PDE4B: variants seen among roughly 807,000 people sequenced by gnomAD.
PDE4B encodes the protein 3',5'-cyclic-AMP phosphodiesterase 4B.
A neutral mutation model predicts 82.2 loss-of-function variants in PDE4B; 20 were observed. The ratio of observed to expected loss-of-function variants is 0.24; its 90% CI spans 0.17 to 0.35. PDE4B has a LOEUF of 0.35. PDE4B is among the 10% of genes least tolerant of loss of function. The pLI, the probability that PDE4B is intolerant of heterozygous loss-of-function variation, is 1.00. For missense variants in PDE4B, 655 were observed against 907.2 expected (o/e 0.72, Z 3.57); for synonymous variants, 320 against 318.9 (o/e 1.00, Z -0.04).
At chr1:65,947,899 G>A (rs1214273742) in intron 3 of PDE4B, among the ~76,000 whole-genome samples, 4 of 150,094 alleles carry the variant, frequency 2.7e-5, no homozygotes, top group Non-Finnish European at 5.9e-5. Context: ...CTTTGTTATA[G>A]CAGCCATAGG....
At chr1:66,154,300 A>T (rs1646459617) in intron 3 of PDE4B, among the ~76,000 whole-genome samples, 1 of 152,160 alleles carries the variant, frequency 6.6e-6, no homozygotes, top group Non-Finnish European at 1.5e-5. Flanking sequence ...AGTGCCAAAC[A>T]CACCGTGGAA....
chr1:66,190,355 C>T (rs931411265), intron 3 of PDE4B, among the ~76,000 whole-genome samples: 1 of 152,200 alleles, frequency 6.6e-6, no homozygotes, highest in African/African-American at 2.4e-5. Context: ...CTATTCTCTT[C>T]AAAGCTGTCA....
intron 1 of PDE4B, among the ~76,000 whole-genome samples, chr1:65,837,091 GT>G (rs879623685): frequency 0.024 from 3,500 of 142,924 alleles, 81 homozygotes; most frequent in African/African-American, 0.064. Context: ...GCCAGCACCA[GT>G]TTTTTTTTTT....
chr1:66,187,627 G>C (rs1360785445), intron 3 of PDE4B, among the ~76,000 whole-genome samples: 1 of 152,220 alleles, frequency 6.6e-6, no homozygotes, highest in Middle Eastern at 3.2e-3. Flanking sequence ...GCGTAGAGGT[G>C]TTTGTAGTAT....
At chr1:66,065,885 A>G (rs1655820341) in intron 3 of PDE4B, among the ~76,000 whole-genome samples, 2 of 151,882 alleles carry the variant, frequency 1.3e-5, no homozygotes, top group Middle Eastern at 3.2e-3. Flanking sequence ...TAACTCCAAT[A>G]TTAGTCCTCC....
chr1:66,124,950 G>A (rs940321863), intron 3 of PDE4B, among the ~76,000 whole-genome samples: 2 of 135,834 alleles, frequency 1.5e-5, no homozygotes, highest in Non-Finnish European at 3.2e-5. Flanking sequence ...TGTGCCCTGC[G>A]ATGGAATGGC....
chr1:65,912,831 A>G (rs186629425), intron 1 of PDE4B, among the ~76,000 whole-genome samples: 30 of 152,150 alleles, frequency 2.0e-4, no homozygotes, highest in African/African-American at 6.8e-4. Context: ...TACCTTGGCC[A>G]AATAATTTGT....
At chr1:66,340,608 T>A (rs905444067) in intron 8 of PDE4B, among the ~76,000 whole-genome samples, 2 of 152,180 alleles carry the variant, frequency 1.3e-5, no homozygotes, top group East Asian at 3.8e-4. Flanking sequence ...TATAATTTTT[T>A]AATTAACTAT....
chr1:66,105,589 A>G (rs886775443), intron 3 of PDE4B, among the ~76,000 whole-genome samples: 1 of 152,112 alleles, frequency 6.6e-6, no homozygotes, highest in Admixed American at 6.6e-5. Flanking sequence ...ATGTTGTTCC[A>G]TTTGTTGGTA....
chr1:66,335,281 C>T (rs1660432854), intron 8 of PDE4B, among the ~76,000 whole-genome samples: 1 of 152,162 alleles, frequency 6.6e-6, no homozygotes, highest in Non-Finnish European at 1.5e-5. Context: ...AGCTACGTGG[C>T]CACTAAGTTT....
chr1:66,257,512 C>G (rs771880256), intron 4 of PDE4B, 135 bp from the exon 5 acceptor site: 2 of 929,398 alleles, frequency 2.2e-6, no homozygotes, highest in Non-Finnish European at 3.6e-6. Context: ...ATTGTGAGTC[C>G]TGTCTTATAT....
intron 4 of PDE4B, among the ~76,000 whole-genome samples, chr1:66,251,310 G>A (rs1225476076): frequency 6.6e-6 from 1 of 152,156 alleles, no homozygotes; most frequent in Admixed American, 6.5e-5. Flanking sequence ...GAAGTTAAGT[G>A]ACTTCTCCAA....
Position 66,372,426 on chromosome 1 carries a change from G to A in PDE4B, c.1959G>A (p.Gln653=), listed in dbSNP as rs1288293011. The part of the protein sequence containing the change: ...DTLEDNRNWY[Q]SMIPQSPSPP... ...TAGAAGATAACAGGAACTGGTATCA[G>A]AGCATGATACCTCAAAGTCCCTCAC... The change falls in exon 17 of 17, where the codon CAG becomes CAA. Residue 653 remains glutamine, a synonymous_variant. Transcript: ENST00000341517. 6.2e-7 allele frequency: 1 copy of A among 1,614,022 alleles called. No homozygotes were observed. The highest frequency in any genetic ancestry group is 8.5e-7 in the Non-Finnish European group (1 of 1,179,886).
At chr1:65,986,322 T>A (rs1474956407) in intron 3 of PDE4B, among the ~76,000 whole-genome samples, 1 of 152,144 alleles carries the variant, frequency 6.6e-6, no homozygotes, top group African/African-American at 2.4e-5. Flanking sequence ...AGACAGCCAA[T>A]GCTGGTGGAG....
At chr1:66,094,395 A>G (rs1470016763) in intron 3 of PDE4B, 1 of 152,098 alleles carries the variant, frequency 6.6e-6, no homozygotes, top group Admixed American at 6.6e-5. Flanking sequence ...CTGAAACTAT[A>G]TAAATCCAAA....
chr1:66,187,742 T>C (rs1312207476), intron 3 of PDE4B, among the ~76,000 whole-genome samples: 1 of 151,974 alleles, frequency 6.6e-6, no homozygotes, highest in Non-Finnish European at 1.5e-5. Context: ...TTATTAGTCT[T>C]GCTAGCGGTC....
chr1:66,239,389 T>C (rs902197223), intron 3 of PDE4B, among the ~76,000 whole-genome samples: 3 of 152,214 alleles, frequency 2.0e-5, no homozygotes, highest in African/African-American at 7.2e-5. Flanking sequence ...GAACTTTTCC[T>C]TTCCTTAGAA....
intron 1 of PDE4B, among the ~76,000 whole-genome samples, chr1:65,904,484 A>C (rs1483779741): frequency 2.0e-5 from 3 of 152,192 alleles, no homozygotes; most frequent in African/African-American, 7.2e-5. Context: ...ATTACATGAA[A>C]GAGTAGCTGT....
intron 3 of PDE4B, among the ~76,000 whole-genome samples, chr1:66,022,147 C>T (rs1653162867): frequency 1.3e-5 from 2 of 152,162 alleles, no homozygotes; most frequent in Non-Finnish European, 2.9e-5. Flanking sequence ...GTGATTTTTG[C>T]ACATTGATTT....
Sources: gnomAD v4.1 joint callset for allele counts (sites outside exome capture counted in the v4.1 genomes callset) on GRCh38, gnomAD v4.1.1 for gene constraint, MANE v1.5 for transcripts, NCBI Gene and HGNC (gene_info 2026-07-23, HGNC 2026-07-21) for gene names.